ODAD2: variants seen among roughly 807,000 people sequenced by gnomAD.
ODAD2 encodes the protein outer dynein arm docking complex subunit 2.
ODAD2 carries 89 observed loss-of-function variants against 106.8 expected under a neutral mutation model. The ratio of observed to expected loss-of-function variants is 0.83; its 90% CI spans 0.70 to 0.99. The LOEUF is 0.99. Among genes scored for constraint, ODAD2 ranks in the 50% least tolerant of loss-of-function variants. The probability of loss-of-function intolerance (pLI) is 0.00; values close to 1 mark genes in which losing one functional copy is unlikely to be tolerated. For synonymous variants in ODAD2, 404 were observed against 436.2 expected, an observed-to-expected ratio of 0.93 and a Z score of 0.92; for missense variants, 1,168 against 1,238.5, an observed-to-expected ratio of 0.94 and a Z score of 0.85.
intron 10 of ODAD2, among the ~76,000 whole-genome samples, chr10:27,956,847 C>G (rs1423213645): frequency 1.3e-5 from 2 of 152,068 alleles, no homozygotes; most frequent in Non-Finnish European, 2.9e-5. Context: ...AACATTTTAC[C>G]CCACTCTACT....
At chr10:27,924,008 A>AAGAAAGAGAGAAAGAG (rs1554810840) in intron 16 of ODAD2, among the ~76,000 whole-genome samples, 10 of 104,188 alleles carry the variant, frequency 9.6e-5, no homozygotes, top group Non-Finnish European at 1.6e-4. Context: ...GAAAGAAAGA[A>AAGAAAGAGAGAAAGAG]AGAAAGAAAG....
At position 27,902,275 on chromosome 10, in the gene ODAD2, C is replaced by T. The variant is rs79470083; in HGVS notation, c.2610+5388G>A. Among the ~76,000 whole-genome samples the T allele has an allele frequency of 1.5e-3, 224 of 152,144 alleles. 2 individuals carry two copies. The highest frequency in any genetic ancestry group is 5.1e-3 in the African/African-American group (212 of 41,482). ...GAAATCGATGAGAACAATGACACAGCGTACCAGAATCTATGGGAAATAGCT... is the reference window on the plus strand; with the variant it reads ...GAAATCGATGAGAACAATGACACAGTGTACCAGAATCTATGGGAAATAGCT... On this transcript the variant is annotated intron_variant, in intron 17 of 19. Coordinates refer to ENST00000305242, the MANE Select transcript of ODAD2 (RefSeq NM_018076.5).
chr10:27,877,326 C>G (rs1841407764), intron 17 of ODAD2, among the ~76,000 whole-genome samples: 1 of 152,136 alleles, frequency 6.6e-6, no homozygotes, highest in Non-Finnish European at 1.5e-5. Flanking sequence ...GTGATCACAT[C>G]TGCCTCTGAT....
At chr10:27,845,179 G>A (rs1433317872) in intron 19 of ODAD2, among the ~76,000 whole-genome samples, 1 of 152,122 alleles carries the variant, frequency 6.6e-6, no homozygotes, top group Non-Finnish European at 1.5e-5. Flanking sequence ...GAGAAACAGT[G>A]GGTTACACAC....
intron 10 of ODAD2, among the ~76,000 whole-genome samples, chr10:27,952,926 A>T (rs1001675224): frequency 7.2e-5 from 11 of 152,014 alleles, no homozygotes; most frequent in Non-Finnish European, 1.5e-4. Flanking sequence ...TAAATTGAAA[A>T]TTTTTTAATG....
intron 17 of ODAD2, among the ~76,000 whole-genome samples, chr10:27,885,547 TAA>T (rs1564465314): frequency 0.013 from 210 of 16,534 alleles, 16 homozygotes; most frequent in South Asian, 0.021. Context: ...TATATATATA[TAA>T]ATATATAAAT....
At position 27,958,370 on chromosome 10, in the gene ODAD2, A is replaced by C. The variant is rs545461293; in HGVS notation, c.1386+3198T>G. ...ATCCAGTAATTAGGCTATTATGAGA[A>C]ACTCTCTTTGCCATGTTCACTGGGA... On this transcript the variant is annotated intron_variant, in intron 10 of 19. Coordinates refer to ENST00000305242, the MANE Select transcript of ODAD2 (RefSeq NM_018076.5). 4.6e-5 allele frequency among the ~76,000 whole-genome samples: 7 copies of C among 152,326 alleles called. No individual in the cohort carries two copies. The South Asian group carries it at 1.4e-3, about 32-fold the overall frequency.
intron 17 of ODAD2, among the ~76,000 whole-genome samples, chr10:27,869,857 A>G (rs2133416722): frequency 6.6e-6 from 1 of 152,124 alleles, no homozygotes; most frequent in East Asian, 1.9e-4. Context: ...TCTAAGGGAA[A>G]GAATAAGACA....
chr10:27,862,962 T>C (rs1246518144), intron 17 of ODAD2, among the ~76,000 whole-genome samples: 1 of 152,196 alleles, frequency 6.6e-6, no homozygotes, highest in Admixed American at 6.5e-5. Flanking sequence ...CTTTGTTCTA[T>C]AAAGTAATTG....
chr10:27,984,356 A>G, intron 4 of ODAD2, 66 bp from the exon 5 acceptor site: 1 of 1,022,660 alleles, frequency 9.8e-7, no homozygotes, highest in East Asian at 2.4e-5. Context: ...ACATGAACAC[A>G]TTTCATTGTA....
chr10:27,954,908 T>A (rs1241784200), intron 10 of ODAD2, among the ~76,000 whole-genome samples: 2 of 152,220 alleles, frequency 1.3e-5, no homozygotes, highest in Non-Finnish European at 2.9e-5. Context: ...CTTCTTATAC[T>A]ACAATATCTA....
intron 10 of ODAD2, among the ~76,000 whole-genome samples, chr10:27,945,740 G>A (rs1846865898): frequency 6.6e-6 from 1 of 152,196 alleles, no homozygotes; most frequent in African/African-American, 2.4e-5. Flanking sequence ...CTTAGACAAT[G>A]TCCACTGGTC....
intron 16 of ODAD2, among the ~76,000 whole-genome samples, chr10:27,916,122 G>A (rs573318355): frequency 6.6e-6 from 1 of 152,214 alleles, no homozygotes; most frequent in African/African-American, 2.4e-5. Context: ...TATCCCCACT[G>A]AGAATTAGCC....
At chr10:27,966,949 G>T (rs1848523377) in intron 9 of ODAD2, among the ~76,000 whole-genome samples, 1 of 147,014 alleles carries the variant, frequency 6.8e-6, no homozygotes, top group Non-Finnish European at 1.5e-5. Flanking sequence ...AAGACCTGTG[G>T]CTCAACACAG....
intron 13 of ODAD2, 55 bp downstream of exon 13, chr10:27,940,508 T>C: frequency 2.5e-6 from 4 of 1,597,610 alleles, no homozygotes; most frequent in Non-Finnish European, 3.4e-6. Flanking sequence ...AAACAACTTT[T>C]GGACTAAAGA....
intron 12 of ODAD2, among the ~76,000 whole-genome samples, chr10:27,943,838 A>G (rs1846647466): frequency 1.4e-5 from 2 of 145,192 alleles, no homozygotes; most frequent in South Asian, 2.3e-4. Flanking sequence ...AAGGCATCAT[A>G]GATGTCAACA....
chr10:27,944,696 G>T, intron 11 of ODAD2, 120 bp downstream of exon 11: 1 of 1,244,982 alleles, frequency 8.0e-7, no homozygotes, highest in Non-Finnish European at 1.1e-6. Flanking sequence ...CAGGTCATCA[G>T]CAATAATAGC....
At chr10:27,897,703 C>T (rs1195779271) in intron 17 of ODAD2, among the ~76,000 whole-genome samples, 1 of 152,100 alleles carries the variant, frequency 6.6e-6, no homozygotes, top group African/African-American at 2.4e-5. Context: ...ATGATAAATG[C>T]ATACAAGAGA....
chr10:27,878,187 G>A (rs1220178844), intron 17 of ODAD2, among the ~76,000 whole-genome samples: 4 of 152,136 alleles, frequency 2.6e-5, no homozygotes, highest in African/African-American at 7.2e-5. Flanking sequence ...AATATGAAAT[G>A]CCTTTATAAT....
Sources: gnomAD v4.1 joint callset for allele counts (sites outside exome capture counted in the v4.1 genomes callset) on GRCh38, gnomAD v4.1.1 for gene constraint, MANE v1.5 for transcripts, NCBI Gene and HGNC (gene_info 2026-07-23, HGNC 2026-07-21) for gene names.